The following PARD3 variants were observed in gnomAD, a reference collection of about 807,000 sequenced individuals.
PARD3 encodes par-3 family cell polarity regulator.
Under a neutral mutation model 155.4 loss-of-function variants are expected in PARD3, and 75 were observed. The ratio of observed to expected loss-of-function variants is 0.48; its 90% CI spans 0.40 to 0.58. The LOEUF (loss-of-function observed/expected upper bound fraction) is 0.58. PARD3 is among the 20% of genes least tolerant of loss of function. The pLI is 0.00. For missense variants in PARD3, 1,642 were observed against 1,721.7 expected (o/e 0.95, Z 0.82); for synonymous variants, 576 against 610.5 (o/e 0.94, Z 0.83).
At chr10:34,219,706 TA>T (rs1952183100) in intron 22 of PARD3, among the ~76,000 whole-genome samples, 1 of 152,334 alleles carries the variant, frequency 6.6e-6, no homozygotes, top group Admixed American at 6.5e-5. Flanking sequence ...ATATCACCTG[TA>T]AATCTCTTAG....
chr10:34,334,970 T>C (rs1355251240), intron 18 of PARD3, among the ~76,000 whole-genome samples: 2 of 151,960 alleles, frequency 1.3e-5, no homozygotes, highest in East Asian at 3.8e-4. Flanking sequence ...ACTGACATTG[T>C]ATATGAAGTC....
chr10:34,326,131 A>G (rs1372502620), intron 19 of PARD3, among the ~76,000 whole-genome samples: 1 of 151,934 alleles, frequency 6.6e-6, no homozygotes, highest in Non-Finnish European at 1.5e-5. Flanking sequence ...TTTCTAAAAA[A>G]AAAAAAAAAA....
intron 2 of PARD3, among the ~76,000 whole-genome samples, chr10:34,666,814 TATACACACACACACAC>T (rs2093493783): frequency 2.2e-5 from 2 of 92,084 alleles, no homozygotes; most frequent in African/African-American, 9.7e-5. Context: ...TATATATATA[TATACACACACACACAC>T]ACACACAAAC....
chr10:34,524,147 G>C (rs1014023393), intron 2 of PARD3, among the ~76,000 whole-genome samples: 1 of 152,078 alleles, frequency 6.6e-6, no homozygotes, highest in Non-Finnish European at 1.5e-5. Context: ...ACATAAGAAA[G>C]GGAGCTAAAT....
chr10:34,525,944 G>A (rs1042649582), intron 2 of PARD3, among the ~76,000 whole-genome samples: 1 of 151,762 alleles, frequency 6.6e-6, no homozygotes, highest in Non-Finnish European at 1.5e-5. Flanking sequence ...AGCTGGGCGT[G>A]GTGGCACACA....
intron 2 of PARD3, among the ~76,000 whole-genome samples, chr10:34,675,398 T>C (rs77332877): frequency 0.019 from 2,849 of 152,266 alleles, 92 homozygotes; most frequent in African/African-American, 0.065. Context: ...TTGAAGTCCA[T>C]GAACCCAGTC....
chr10:34,225,338 G>T (rs746472219), intron 22 of PARD3, among the ~76,000 whole-genome samples: 4 of 150,082 alleles, frequency 2.7e-5, no homozygotes, highest in Admixed American at 6.6e-5. Flanking sequence ...GACTGGACTA[G>T]TTTTTTTTCT....
chr10:34,307,433 G>A (rs901217118), intron 20 of PARD3, among the ~76,000 whole-genome samples: 14 of 152,116 alleles, frequency 9.2e-5, no homozygotes, highest in Admixed American at 8.5e-4. Context: ...GCTGCCTCTC[G>A]ACCTGAAATG....
chr10:34,347,042 T>C (rs1353054142), intron 15 of PARD3, among the ~76,000 whole-genome samples: 1 of 152,194 alleles, frequency 6.6e-6, no homozygotes, highest in African/African-American at 2.4e-5. Flanking sequence ...GATGAATAAA[T>C]TACTGTTTCA....
intron 22 of PARD3, among the ~76,000 whole-genome samples, chr10:34,171,503 GT>G (rs1475532229): frequency 6.6e-6 from 1 of 152,176 alleles, no homozygotes; most frequent in Non-Finnish European, 1.5e-5. Context: ...TGTATGTTTA[GT>G]AAAAACATGG....
At chr10:34,167,642 G>A (rs896318594) in intron 22 of PARD3, among the ~76,000 whole-genome samples, 6 of 151,970 alleles carry the variant, frequency 3.9e-5, no homozygotes, top group Admixed American at 6.6e-5. Flanking sequence ...ATATGAGAAC[G>A]CATATGGAAA....
chr10:34,569,670 G>A (rs1048169386), intron 2 of PARD3, among the ~76,000 whole-genome samples: 26 of 151,992 alleles, frequency 1.7e-4, no homozygotes, highest in Non-Finnish European at 2.6e-4. Context: ...GCCCGCCTCC[G>A]CCTGCCAAAG....
At chr10:34,467,146 G>GA (rs1051895700) in intron 4 of PARD3, among the ~76,000 whole-genome samples, 19 of 151,598 alleles carry the variant, frequency 1.3e-4, no homozygotes, top group Non-Finnish European at 8.8e-5. Flanking sequence ...CTTAAAATGT[G>GA]AAAAAAAGAG....
chr10:34,163,088 T>C (rs1469378301), intron 22 of PARD3, among the ~76,000 whole-genome samples: 4 of 152,218 alleles, frequency 2.6e-5, no homozygotes, highest in Non-Finnish European at 4.4e-5. Flanking sequence ...TTTTTGACTT[T>C]AGAAACAAAT....
At chr10:34,726,574 C>A (rs1055354226) in intron 1 of PARD3, among the ~76,000 whole-genome samples, 32 of 152,022 alleles carry the variant, frequency 2.1e-4, no homozygotes, top group Admixed American at 4.6e-4. Context: ...CAGAGTGAGA[C>A]CCTGTCTCAA....
intron 5 of PARD3, among the ~76,000 whole-genome samples, chr10:34,408,670 A>G (rs1387915012): frequency 6.6e-6 from 1 of 152,140 alleles, no homozygotes; most frequent in African/African-American, 2.4e-5. Flanking sequence ...CATCTGTAGG[A>G]GAGAGGGGCT....
rs150076079 is a variant in PARD3, at chr10:34,409,050, G to A, written c.715-7133C>T. 1.7e-3 allele frequency among the ~76,000 whole-genome samples: 254 copies of A among 151,968 alleles called. 2 individuals are homozygous for A. Among genetic ancestry groups the A allele is most frequent in the African/African-American group, 5.8e-3 (239 of 41,464 alleles). ...TGTGATGTAATCACTGTATATAAGCGCCATCCCCTCAACCAGATTCCTACT... is the reference window on the plus strand; with the variant it reads ...TGTGATGTAATCACTGTATATAAGCACCATCCCCTCAACCAGATTCCTACT... On this transcript the variant is annotated intron_variant, in intron 5 of 24. Coordinates refer to ENST00000374788, the MANE Select transcript of PARD3 (RefSeq NM_001184785.2).
Position 34,120,004 on chromosome 10 carries a change from A to ATTTTT in PARD3, c.3541-269_3541-265dup, listed in dbSNP as rs1185067110. On this transcript the variant is annotated intron_variant, in intron 23 of 24. Coordinates refer to ENST00000374788, the MANE Select transcript of PARD3 (RefSeq NM_001184785.2). ...AGATCAAACTTTCTAGTCTTCTTTA[A>ATTTTT]TTTTTTTTTTTTTTTTTTTTTTTTT... 6.5e-4 allele frequency among the ~76,000 whole-genome samples: 48 copies of ATTTTT among 73,824 alleles called. 8 individuals are homozygous for ATTTTT. The highest frequency in any genetic ancestry group is 2.1e-3 in the African/African-American group (35 of 17,054). The allele number at this position is 73,824 out of a possible 152,430, so 48.4% of individuals were successfully genotyped here.
At chr10:34,681,544 AG>A in intron 2 of PARD3, among the ~76,000 whole-genome samples, 1 of 151,122 alleles carries the variant, frequency 6.6e-6, no homozygotes, top group Non-Finnish European at 1.5e-5. Flanking sequence ...TAAGAAAAAA[AG>A]GATACAAAAC....
Sources: gnomAD v4.1 joint callset for allele counts (sites outside exome capture counted in the v4.1 genomes callset) on GRCh38, gnomAD v4.1.1 for gene constraint, MANE v1.5 for transcripts, NCBI Gene and HGNC (gene_info 2026-07-23, HGNC 2026-07-21) for gene names.